The following ADAMTS17 variants were observed in gnomAD, a reference collection of about 807,000 sequenced individuals.
The protein encoded by ADAMTS17 is A disintegrin and metalloproteinase with thrombospondin motifs 17.
In ADAMTS17, 113 loss-of-function variants were observed where a neutral mutation model predicts 141.5. That is an observed-to-expected ratio of 0.80 (90% confidence interval 0.69 to 0.93). The LOEUF is 0.93. ADAMTS17 is among the 40% of genes least tolerant of loss of function. ADAMTS17 has a pLI of 0.00. For missense variants in ADAMTS17, 1,659 were observed against 1,517.9 expected (o/e 1.09, Z -1.54); for synonymous variants, 768 against 630.6 (o/e 1.22, Z -3.27).
chr15:100,087,142 A>C (rs142015459), intron 15 of ADAMTS17, among the ~76,000 whole-genome samples: 1,770 of 152,334 alleles, frequency 0.012, 40 homozygotes, highest in African/African-American at 0.041. Context: ...GACACAATAC[A>C]AAATGATAAA....
chr15:100,103,437 C>T (rs2036238555), intron 14 of ADAMTS17, among the ~76,000 whole-genome samples: 1 of 152,206 alleles, frequency 6.6e-6, no homozygotes, highest in African/African-American at 2.4e-5. Flanking sequence ...AGTAATTCTA[C>T]CTGCCTCACA....
In ADAMTS17 at chr15:100,101,299, G is replaced by A. The variant is rs1020792591; in HGVS notation, c.2017-4823C>T. On this transcript the variant is annotated intron_variant, in intron 14 of 21. Transcript: ENST00000268070. ...TTCTTCTTCACACATACCAATCTCT[G>A]GAATGATCACGTTTGTGAGCTGACA... Among the ~76,000 whole-genome samples, 18 of 152,130 alleles carry A rather than the reference G, an allele frequency of 1.2e-4. 1 individual carries two copies. The highest frequency in any genetic ancestry group is 4.1e-4 in the South Asian group (2 of 4,832).
At chr15:100,044,017 ATCT>A (rs2031482397) in intron 18 of ADAMTS17, among the ~76,000 whole-genome samples, 1 of 152,322 alleles carries the variant, frequency 6.6e-6, no homozygotes, top group South Asian at 2.1e-4. Context: ...TTCCTACATG[ATCT>A]TCTGGTTTCA....
In ADAMTS17 at chr15:100,152,696, G is replaced by A. The variant is rs1312451522; in HGVS notation, c.1389C>T (p.His463=). The A allele has an allele frequency of 6.2e-7, 1 of 1,614,254 alleles. No individual in the cohort carries two copies. The highest frequency in any genetic ancestry group is 1.7e-5 in the Admixed American group (1 of 60,034). ...PRSQHTVRLP[H]KLPGMHYSAN... is the part of the protein sequence containing the mutation. ...CACTGTAGTGCATGCCCGGCAGCTTGTGCGGGAGGCGTACTGTGTGCTGGC... is the reference window on the plus strand; with the variant it reads ...CACTGTAGTGCATGCCCGGCAGCTTATGCGGGAGGCGTACTGTGTGCTGGC... The change falls in exon 10 of 22, where the codon CAC becomes CAT. Residue 463 remains histidine, a synonymous_variant. Coordinates refer to ENST00000268070, the MANE Select transcript of ADAMTS17 (RefSeq NM_139057.4).
intron 20 of ADAMTS17, among the ~76,000 whole-genome samples, chr15:99,984,933 T>C (rs556836390): frequency 3.9e-5 from 6 of 152,312 alleles, no homozygotes; most frequent in Non-Finnish European, 7.4e-5. Context: ...ACTGAGCAAA[T>C]GGAGGGACGG....
intron 7 of ADAMTS17, among the ~76,000 whole-genome samples, chr15:100,249,400 AT>A (rs2043082937): frequency 6.6e-6 from 1 of 152,180 alleles, no homozygotes; most frequent in South Asian, 2.1e-4. Context: ...CTCAACATGC[AT>A]TCTTCGTGGG....
At chr15:100,172,029 TA>T (rs1246583550) in intron 8 of ADAMTS17, among the ~76,000 whole-genome samples, 2 of 152,150 alleles carry the variant, frequency 1.3e-5, no homozygotes, top group Admixed American at 1.3e-4. Context: ...ATGTAGACAC[TA>T]ATCCCTTCCA....
At chr15:100,311,396 G>A (rs1320184643) in intron 3 of ADAMTS17, among the ~76,000 whole-genome samples, 21 of 152,230 alleles carry the variant, frequency 1.4e-4, no homozygotes, top group Non-Finnish European at 2.2e-4. Flanking sequence ...CAGCCTCAGG[G>A]CTGGACCAGC....
chr15:100,309,875 C>T (rs939418250), intron 3 of ADAMTS17, among the ~76,000 whole-genome samples: 12 of 152,166 alleles, frequency 7.9e-5, no homozygotes, highest in East Asian at 3.9e-4. Context: ...CCTGTACACA[C>T]GTGATGAAGC....
chr15:100,292,429 C>T (rs2044672877), intron 3 of ADAMTS17, among the ~76,000 whole-genome samples: 1 of 141,640 alleles, frequency 7.1e-6, no homozygotes, highest in Non-Finnish European at 1.5e-5. Context: ...AGACACTCAC[C>T]CCGTGTTAGA....
chr15:100,097,756 G>A (rs1384439919), intron 14 of ADAMTS17, among the ~76,000 whole-genome samples: 2 of 152,272 alleles, frequency 1.3e-5, no homozygotes, highest in Non-Finnish European at 2.9e-5. Context: ...GCTCCCAGGA[G>A]ATGCTGAGGC....
chr15:100,155,132 G>C, intron 9 of ADAMTS17, 48 bp downstream of exon 9: 1 of 1,613,616 alleles, frequency 6.2e-7, no homozygotes, highest in Non-Finnish European at 8.5e-7. Context: ...TTGTCTTTTG[G>C]AAGTACTTTT....
chr15:100,196,260 T>C (rs2041111082), intron 8 of ADAMTS17, among the ~76,000 whole-genome samples: 1 of 152,198 alleles, frequency 6.6e-6, no homozygotes, highest in Non-Finnish European at 1.5e-5. Context: ...AAAGAGACAC[T>C]AGAAAGAGAA....
At chr15:100,085,486 T>A (rs62043193) in intron 15 of ADAMTS17, among the ~76,000 whole-genome samples, 1 of 150,054 alleles carries the variant, frequency 6.7e-6, no homozygotes, top group Non-Finnish European at 1.5e-5. Context: ...TCAGGAAATA[T>A]AGAGAACACC....
chr15:100,307,724 C>A (rs536078888), intron 3 of ADAMTS17, among the ~76,000 whole-genome samples: 2 of 152,180 alleles, frequency 1.3e-5, no homozygotes, highest in East Asian at 1.9e-4. Context: ...GCCGATGTCA[C>A]GTGCCGCGTG....
intron 15 of ADAMTS17, among the ~76,000 whole-genome samples, chr15:100,082,238 G>T (rs2034789839): frequency 6.6e-6 from 1 of 152,192 alleles, no homozygotes; most frequent in Middle Eastern, 3.4e-3. Context: ...GCTAATTTTT[G>T]TATTTTTGGT....
chr15:100,315,855 T>C (rs1378956998), intron 3 of ADAMTS17, among the ~76,000 whole-genome samples: 1 of 152,194 alleles, frequency 6.6e-6, no homozygotes, highest in Non-Finnish European at 1.5e-5. Context: ...TGTCTCCAGA[T>C]CAGCCCAGAA....
chr15:100,036,352 T>G (rs1596276553), intron 18 of ADAMTS17, among the ~76,000 whole-genome samples: 1 of 151,940 alleles, frequency 6.6e-6, no homozygotes, highest in Non-Finnish European at 1.5e-5. Flanking sequence ...GAGGAAGGGG[T>G]GAGAGAAGCA....
At chr15:100,272,257 G>C (rs2043939379) in intron 4 of ADAMTS17, among the ~76,000 whole-genome samples, 1 of 152,120 alleles carries the variant, frequency 6.6e-6, no homozygotes, top group Non-Finnish European at 1.5e-5. Flanking sequence ...TTGGGATTTT[G>C]ATAGAAATTG....
Sources: gnomAD v4.1 joint callset for allele counts (sites outside exome capture counted in the v4.1 genomes callset) on GRCh38, gnomAD v4.1.1 for gene constraint, MANE v1.5 for transcripts, NCBI Gene and HGNC (gene_info 2026-07-23, HGNC 2026-07-21) for gene names.